Variants in EFNA5 observed in about 807,000 individuals in gnomAD.
EFNA5 encodes the protein ephrin A5.
A neutral mutation model predicts 22.9 loss-of-function variants in EFNA5; 5 were observed. The ratio of observed to expected loss-of-function variants is 0.22; its 90% confidence interval spans 0.11 to 0.46. The LOEUF is 0.46. Among genes scored for constraint, EFNA5 ranks in the 20% least tolerant of loss-of-function variants. The pLI, the probability that EFNA5 is intolerant of heterozygous loss-of-function variation, is 0.99. For synonymous variants in EFNA5, 113 were observed against 112.2 expected (o/e 1.01, Z -0.04); for missense variants, 237 against 293.3 (o/e 0.81, Z 1.40).
At chr5:107,419,430 C>T (rs1748596319) in intron 2 of EFNA5, among the ~76,000 whole-genome samples, 1 of 151,984 alleles carries the variant, frequency 6.6e-6, no homozygotes, top group Non-Finnish European at 1.5e-5. Flanking sequence ...AAATAGAGAC[C>T]CGATATAATT....
intron 1 of EFNA5, among the ~76,000 whole-genome samples, chr5:107,557,204 G>A (rs1748440074): frequency 6.6e-6 from 1 of 152,092 alleles, no homozygotes; most frequent in African/African-American, 2.4e-5. Context: ...TATTTGCCTT[G>A]GTCCCCAGCA....
intron 1 of EFNA5, among the ~76,000 whole-genome samples, chr5:107,458,709 C>G (rs2112453386): frequency 1.3e-5 from 2 of 152,252 alleles, no homozygotes; most frequent in Middle Eastern, 3.4e-3. Context: ...GTAAGGGAAA[C>G]TATGCATTGA....
intron 1 of EFNA5, among the ~76,000 whole-genome samples, chr5:107,513,598 A>G (rs1747418974): frequency 6.6e-6 from 1 of 152,040 alleles, no homozygotes; most frequent in South Asian, 2.1e-4. Context: ...GGACACCGAC[A>G]CCCCACCGAA....
intron 1 of EFNA5, chr5:107,506,178 T>C (rs1747246438): frequency 6.6e-6 from 1 of 152,286 alleles, no homozygotes; most frequent in Non-Finnish European, 1.5e-5. Context: ...GGAACAGTTG[T>C]CTACTCCCTT....
intron 1 of EFNA5, among the ~76,000 whole-genome samples, chr5:107,572,775 T>C (rs1336887818): frequency 6.6e-6 from 1 of 152,206 alleles, no homozygotes; most frequent in Non-Finnish European, 1.5e-5. Context: ...CTTCCCAAGC[T>C]TTTGCCTTCC....
At chr5:107,545,860 T>C (rs139033534) in intron 1 of EFNA5, among the ~76,000 whole-genome samples, 4 of 152,320 alleles carry the variant, frequency 2.6e-5, no homozygotes, top group African/African-American at 9.6e-5. Flanking sequence ...CACTGTCTCT[T>C]GTGTCCTAAT....
intron 1 of EFNA5, among the ~76,000 whole-genome samples, chr5:107,533,636 AATTAGATC>A (rs113898055): frequency 0.06 from 9,143 of 152,182 alleles, 920 homozygotes; most frequent in African/African-American, 0.21. Context: ...CTCTGCATCT[AATTAGATC>A]ATTAGATCCA....
At chr5:107,550,062 A>G (rs1030202151) in intron 1 of EFNA5, among the ~76,000 whole-genome samples, 1 of 152,362 alleles carries the variant, frequency 6.6e-6, no homozygotes, top group Non-Finnish European at 1.5e-5. Context: ...GGGTCTTCTT[A>G]GAAAAGAAAG....
At chr5:107,588,404 T>A (rs1291773552) in intron 1 of EFNA5, among the ~76,000 whole-genome samples, 1 of 152,134 alleles carries the variant, frequency 6.6e-6, no homozygotes, top group Non-Finnish European at 1.5e-5. Flanking sequence ...CCCCTATTTA[T>A]CCTAGTCTCT....
At chr5:107,569,521 G>A (rs1473898135) in intron 1 of EFNA5, among the ~76,000 whole-genome samples, 216 of 125,696 alleles carry the variant, frequency 1.7e-3, no homozygotes, top group Non-Finnish European at 2.7e-3. Context: ...ATATATGTGT[G>A]TATATATATT....
chr5:107,453,973 G>A (rs1229654606), intron 1 of EFNA5, among the ~76,000 whole-genome samples: 3 of 152,074 alleles, frequency 2.0e-5, no homozygotes, highest in Admixed American at 2.0e-4. Flanking sequence ...GTGTATGTGT[G>A]TGTGTGACAG....
intron 1 of EFNA5, among the ~76,000 whole-genome samples, chr5:107,562,213 T>C (rs1236795596): frequency 6.6e-6 from 1 of 152,108 alleles, no homozygotes; most frequent in Non-Finnish European, 1.5e-5. Flanking sequence ...GGCAAAAAAT[T>C]TTGCCACAAT....
At chr5:107,474,578 A>G (rs920484664) in intron 1 of EFNA5, among the ~76,000 whole-genome samples, 2 of 152,130 alleles carry the variant, frequency 1.3e-5, no homozygotes, top group African/African-American at 2.4e-5. Flanking sequence ...TTGCATTACG[A>G]ACGAGGAATG....
At chr5:107,468,459 A>G (rs1055875678) in intron 1 of EFNA5, among the ~76,000 whole-genome samples, 3 of 152,212 alleles carry the variant, frequency 2.0e-5, no homozygotes, top group Non-Finnish European at 4.4e-5. Flanking sequence ...GCATAACTTG[A>G]TAAGAAATCA....
At chr5:107,464,921 T>C (rs1165403835) in intron 1 of EFNA5, among the ~76,000 whole-genome samples, 1 of 152,200 alleles carries the variant, frequency 6.6e-6, no homozygotes, top group East Asian at 1.9e-4. Context: ...GCCATCCCTC[T>C]GCCTGAAGAG....
chr5:107,514,510 T>C (rs1747436158), intron 1 of EFNA5, among the ~76,000 whole-genome samples: 1 of 152,096 alleles, frequency 6.6e-6, no homozygotes, highest in East Asian at 1.9e-4. Flanking sequence ...TGTTTTAAAT[T>C]CAAACTTCTC....
At chr5:107,617,896 T>C (rs1749956275) in intron 1 of EFNA5, among the ~76,000 whole-genome samples, 1 of 152,152 alleles carries the variant, frequency 6.6e-6, no homozygotes, top group Middle Eastern at 3.2e-3. Flanking sequence ...CACAGTGGTG[T>C]GTACCTACTA....
At chr5:107,644,336 T>C (rs1750586197) in intron 1 of EFNA5, among the ~76,000 whole-genome samples, 1 of 152,136 alleles carries the variant, frequency 6.6e-6, no homozygotes, top group Admixed American at 6.5e-5. Flanking sequence ...AACTTTAGTG[T>C]TTACTTAAAA....
At chr5:107,383,718 C>T (rs1051323051) in intron 4 of EFNA5, among the ~76,000 whole-genome samples, 7 of 152,100 alleles carry the variant, frequency 4.6e-5, no homozygotes, top group African/African-American at 1.7e-4. Context: ...CGGTGTGAAC[C>T]CCTTCATCAC....
Sources: allele counts gnomAD v4.1 joint callset (sites outside exome capture counted in the v4.1 genomes callset), GRCh38; gene constraint gnomAD v4.1.1; transcripts MANE v1.5; gene names NCBI Gene and HGNC (gene_info 2026-07-23, HGNC 2026-07-21).